Variants in DACH2 observed in about 807,000 individuals in gnomAD.
DACH2 encodes the protein dachshund family transcription factor 2.
DACH2 carries 17 observed loss-of-function variants against 35.8 expected under a neutral mutation model. The observed-to-expected ratio is 0.48, with a 90% CI of 0.33 to 0.71. The LOEUF (loss-of-function observed/expected upper bound fraction) is 0.71. DACH2 is among the 30% of genes least tolerant of loss of function. The probability of loss-of-function intolerance (pLI) is 0.02; values close to 1 mark genes in which losing one functional copy is unlikely to be tolerated. For missense variants in DACH2, 469 were observed against 472.7 expected (o/e 0.99, Z 0.07); for synonymous variants, 195 against 177.3 (o/e 1.10, Z -0.79).
At chrX:86,640,169 C>T (rs2040327809) in intron 3 of DACH2, among the ~76,000 whole-genome samples, 1 of 110,862 alleles carries the variant, frequency 9.0e-6, no homozygotes, top group African/African-American at 3.3e-5. Flanking sequence ...GGCAGGCCCT[C>T]CAGCCTGTGC....
Position 86,357,282 on chromosome X carries a change from A to G in DACH2, c.489-19542A>G, listed in dbSNP as rs190671721. Among the ~76,000 whole-genome samples, 10 of 112,432 alleles carry G rather than the reference A, an allele frequency of 8.9e-5. No individual in the cohort carries two copies. In the East Asian group the frequency reaches 2.8e-3, roughly 31 times the overall value. On this transcript the variant is annotated intron_variant, in intron 1 of 11. Coordinates refer to ENST00000373125, the MANE Select transcript of DACH2 (RefSeq NM_053281.3). The stretch of plus-strand genomic sequence containing the variant: ...TTTGCTTTTTAATAAATAAACTTGT[A>G]TTTATCAAACTCCTGCTTTTGTTAT...
intron 3 of DACH2, among the ~76,000 whole-genome samples, chrX:86,531,367 C>T (rs891100510): frequency 4.5e-5 from 5 of 111,412 alleles, no homozygotes; most frequent in Non-Finnish European, 9.4e-5. Flanking sequence ...GACCTGGAGG[C>T]ATAGGAGGGA....
intron 3 of DACH2, among the ~76,000 whole-genome samples, chrX:86,606,486 T>G (rs2039859897): frequency 8.9e-6 from 1 of 111,832 alleles, no homozygotes; most frequent in African/African-American, 3.2e-5. Flanking sequence ...TTCCATGTAT[T>G]TGTATAGTTT....
intron 3 of DACH2, among the ~76,000 whole-genome samples, chrX:86,596,054 G>A (rs2039707522): frequency 9.0e-6 from 1 of 111,449 alleles, no homozygotes; most frequent in Admixed American, 9.6e-5. Flanking sequence ...ATAACATAAT[G>A]TTTTCAAGTC....
At chrX:86,254,773 AATAAATAAAT>A (rs1326015216) in intron 1 of DACH2, among the ~76,000 whole-genome samples, 1 of 19,493 alleles carries the variant, frequency 5.1e-5, no homozygotes, top group African/African-American at 2.6e-4. Flanking sequence ...GTGTTATTCA[AATAAATAAAT>A]ATATATATAT....
At chrX:86,407,512 C>A (rs1333028745) in intron 2 of DACH2, among the ~76,000 whole-genome samples, 1 of 112,073 alleles carries the variant, frequency 8.9e-6, no homozygotes, top group African/African-American at 3.2e-5. Flanking sequence ...CACTGTGGAC[C>A]AGCATACTTT....
At chrX:86,260,685 C>A (rs2033609237) in intron 1 of DACH2, among the ~76,000 whole-genome samples, 1 of 112,024 alleles carries the variant, frequency 8.9e-6, no homozygotes, top group Non-Finnish European at 1.9e-5. Context: ...ATCCAAAGAT[C>A]TCATTTAATC....
At chrX:86,538,502 A>G (rs912847510) in intron 3 of DACH2, among the ~76,000 whole-genome samples, 4 of 111,820 alleles carry the variant, frequency 3.6e-5, no homozygotes, top group Non-Finnish European at 5.6e-5. Context: ...GTATATCAGA[A>G]TATCACAGAC....
intron 1 of DACH2, among the ~76,000 whole-genome samples, chrX:86,232,624 C>G (rs754747359): frequency 8.9e-6 from 1 of 111,842 alleles, no homozygotes; most frequent in East Asian, 2.8e-4. Context: ...TAGAGAAATG[C>G]AAACCGTAAC....
At chrX:86,719,247 G>T (rs1333186666) in intron 6 of DACH2, among the ~76,000 whole-genome samples, 1 of 111,683 alleles carries the variant, frequency 9.0e-6, no homozygotes, top group Non-Finnish European at 1.9e-5. Flanking sequence ...TGGGATTGTT[G>T]TCTTTATTTG....
At chrX:86,785,516 T>A (rs1009360915) in intron 7 of DACH2, among the ~76,000 whole-genome samples, 1 of 111,547 alleles carries the variant, frequency 9.0e-6, no homozygotes, top group East Asian at 2.9e-4. Flanking sequence ...CTTAGAAATA[T>A]GAATAACTGG....
intron 1 of DACH2, among the ~76,000 whole-genome samples, chrX:86,329,565 T>G (rs1272401307): frequency 1.1e-4 from 12 of 110,654 alleles, no homozygotes; most frequent in Non-Finnish European, 2.1e-4. Flanking sequence ...AAATAAATTT[T>G]TTTTTTCTTA....
intron 1 of DACH2, among the ~76,000 whole-genome samples, chrX:86,218,436 ATCAGAAG>A (rs2032627428): frequency 1.8e-5 from 2 of 112,056 alleles, no homozygotes; most frequent in Middle Eastern, 8.6e-3. Flanking sequence ...AAAATTGGTC[ATCAGAAG>A]CAGGTCTTCT....
At chrX:86,449,179 C>A (rs1278095650) in intron 2 of DACH2, among the ~76,000 whole-genome samples, 1 of 50,983 alleles carries the variant, frequency 2.0e-5, no homozygotes, top group African/African-American at 7.6e-5. Context: ...CTATTTGATT[C>A]TTCTCTCTTT....
intron 1 of DACH2, among the ~76,000 whole-genome samples, chrX:86,370,129 A>G (rs1436177869): frequency 9.0e-6 from 1 of 111,399 alleles, no homozygotes; most frequent in African/African-American, 3.3e-5. Flanking sequence ...TTACAGTGTC[A>G]TTGGAAAAGT....
chrX:86,804,533 A>G (rs1287603435), intron 7 of DACH2, among the ~76,000 whole-genome samples: 1 of 111,744 alleles, frequency 8.9e-6, no homozygotes, highest in Non-Finnish European at 1.9e-5. Flanking sequence ...TCAAAATACA[A>G]TCATGCCTTC....
At chrX:86,332,474 A>T (rs879046812) in intron 1 of DACH2, among the ~76,000 whole-genome samples, 3 of 111,904 alleles carry the variant, frequency 2.7e-5, no homozygotes, top group Non-Finnish European at 5.6e-5. Flanking sequence ...TTTACCATTG[A>T]ACTCAACTTC....
At chrX:86,666,402 G>C (rs764306271) in intron 4 of DACH2, among the ~76,000 whole-genome samples, 1 of 111,227 alleles carries the variant, frequency 9.0e-6, no homozygotes, top group Non-Finnish European at 1.9e-5. Context: ...CATAGTCCAG[G>C]AAAGATGTCT....
intron 2 of DACH2, among the ~76,000 whole-genome samples, chrX:86,422,731 C>A (rs2036825724): frequency 9.0e-6 from 1 of 110,989 alleles, no homozygotes. Context: ...TGACTCTAGT[C>A]TCCCTGTTGT....
Sources: gnomAD v4.1 joint callset for allele counts (sites outside exome capture counted in the v4.1 genomes callset) on GRCh38, gnomAD v4.1.1 for gene constraint, MANE v1.5 for transcripts, NCBI Gene and HGNC (gene_info 2026-07-23, HGNC 2026-07-21) for gene names.